GPC6: variants seen among roughly 807,000 people sequenced by gnomAD.
GPC6 encodes the protein glypican 6.
In GPC6, 14 loss-of-function variants were observed where a neutral mutation model predicts 55.2. The observed-to-expected ratio is 0.25, with a 90% CI of 0.17 to 0.40. The LOEUF (loss-of-function observed/expected upper bound fraction) is 0.40. Ranked by LOEUF, GPC6 falls within the 10% of genes least tolerant of loss-of-function variation. GPC6 has a pLI of 1.00. For synonymous variants in GPC6, 278 were observed against 259.6 expected (o/e 1.07, Z -0.68); for missense variants, 641 against 708.5 (o/e 0.90, Z 1.08).
rs755446817 is a variant in GPC6 at position 93,227,488 on chromosome 13, C to T, written c.32C>T (p.Pro11Leu). 6.2e-7 allele frequency: 1 copy of T among 1,613,966 alleles called. No individual in the cohort carries two copies. Among genetic ancestry groups the T allele is most frequent in the Admixed American group, 1.7e-5 (1 of 60,016 alleles). The change falls in exon 1 of 9, where the codon CCC becomes CTC. Residue 11 changes from proline (P) to leucine (L), a missense_variant. Pro to Leu is a moderately conservative substitution (Grantham distance 98, BLOSUM62 -3). Transcript: ENST00000377047. This position sits in a 1 kb window ranked among gnomAD's most constrained non-coding sequence, Gnocchi z 4.3. ...TCTTGGATCGGGGCTGTGATTCTTC[C>T]CCTCTTGGGGCTGCTGCTCTCCCTC... MPSWIGAVIL[P>L]LLGLLLSLPA...
chr13:93,703,705 A>G (rs1411036539), intron 2 of GPC6, among the ~76,000 whole-genome samples: 2 of 152,074 alleles, frequency 1.3e-5, no homozygotes, highest in East Asian at 3.9e-4. Context: ...AAAATGGTAA[A>G]TGCTATAGCA....
chr13:93,706,829 T>C (rs1258391891), intron 2 of GPC6, among the ~76,000 whole-genome samples: 1 of 151,854 alleles, frequency 6.6e-6, no homozygotes, highest in African/African-American at 2.4e-5. Flanking sequence ...GCTTACAGTC[T>C]AGTGGCAGAG....
intron 3 of GPC6, among the ~76,000 whole-genome samples, chr13:93,962,261 A>T (rs535568850): frequency 6.6e-6 from 1 of 151,948 alleles, no homozygotes; most frequent in Non-Finnish European, 1.5e-5. Flanking sequence ...TTCATCTTGA[A>T]TAAGTAATGG....
intron 1 of GPC6, among the ~76,000 whole-genome samples, chr13:93,380,746 T>G (rs931645218): frequency 1.3e-5 from 2 of 152,188 alleles, no homozygotes; most frequent in Non-Finnish European, 1.5e-5. Context: ...TATATGCCTC[T>G]ACTTTTCTTC....
At chr13:94,088,670 CA>C (rs1885375345) in intron 4 of GPC6, among the ~76,000 whole-genome samples, 1 of 152,204 alleles carries the variant, frequency 6.6e-6, no homozygotes, top group African/African-American at 2.4e-5. Flanking sequence ...AGCAGCCAAA[CA>C]AAAACCAGGC....
chr13:93,492,570 TG>T (rs1310015628), intron 1 of GPC6, among the ~76,000 whole-genome samples: 1 of 136,824 alleles, frequency 7.3e-6, no homozygotes, highest in Non-Finnish European at 1.6e-5. Flanking sequence ...TGAATAGGAG[TG>T]GTGAGAGAGG....
intron 1 of GPC6, among the ~76,000 whole-genome samples, chr13:93,380,279 T>A (rs1157753039): frequency 6.6e-6 from 1 of 152,132 alleles, no homozygotes; most frequent in Non-Finnish European, 1.5e-5. Flanking sequence ...GATGGGTACC[T>A]AGATATAAAT....
intron 1 of GPC6, among the ~76,000 whole-genome samples, chr13:93,457,429 A>G (rs1295222904): frequency 3.3e-5 from 5 of 152,154 alleles, no homozygotes. Context: ...TCAACCCTCA[A>G]CAGATAATGT....
chr13:93,257,391 T>C (rs1030911589), intron 1 of GPC6, among the ~76,000 whole-genome samples: 3 of 152,242 alleles, frequency 2.0e-5, no homozygotes, highest in Admixed American at 1.3e-4. Context: ...TAGTCTCTTC[T>C]CTTTTCTCTC....
At chr13:93,687,729 T>C (rs2138775492) in intron 2 of GPC6, among the ~76,000 whole-genome samples, 1 of 152,208 alleles carries the variant, frequency 6.6e-6, no homozygotes, top group South Asian at 2.1e-4. Flanking sequence ...TATTTTTAAA[T>C]AGGCTAGTTT....
intron 1 of GPC6, among the ~76,000 whole-genome samples, chr13:93,423,590 G>A (rs903085104): frequency 2.0e-5 from 3 of 151,742 alleles, no homozygotes; most frequent in South Asian, 4.2e-4. Flanking sequence ...TATTTTTTCC[G>A]CGGTTGCTAA....
intron 3 of GPC6, among the ~76,000 whole-genome samples, chr13:93,838,990 CTGAAAACAA>C (rs1887847420): frequency 1.3e-5 from 2 of 152,088 alleles, no homozygotes; most frequent in South Asian, 2.1e-4. Flanking sequence ...AAAGAGAGTT[CTGAAAACAA>C]AGACAAATGA....
intron 2 of GPC6, among the ~76,000 whole-genome samples, chr13:93,627,181 G>A (rs1427187775): frequency 6.6e-6 from 1 of 151,734 alleles, no homozygotes; most frequent in Non-Finnish European, 1.5e-5. Context: ...AGGCCCTGGT[G>A]TGTGATGTTC....
chr13:94,269,811 A>G (rs1891935819), intron 4 of GPC6, among the ~76,000 whole-genome samples: 1 of 152,112 alleles, frequency 6.6e-6, no homozygotes, highest in Non-Finnish European at 1.5e-5. Flanking sequence ...CTCCTAGTTG[A>G]CCAAACTAGT....
At chr13:93,371,843 G>A (rs777646643) in intron 1 of GPC6, among the ~76,000 whole-genome samples, 38 of 152,042 alleles carry the variant, frequency 2.5e-4, no homozygotes, top group Non-Finnish European at 5.0e-4. Flanking sequence ...CTTAGGAATA[G>A]AGACCTCAGT....
At chr13:93,532,261 T>C (rs1881896688) in intron 1 of GPC6, among the ~76,000 whole-genome samples, 1 of 152,154 alleles carries the variant, frequency 6.6e-6, no homozygotes, top group Non-Finnish European at 1.5e-5. Context: ...TCTCTCAAGA[T>C]CTTTCTATTC....
At chr13:94,369,362 C>T (rs1879427987) in intron 6 of GPC6, among the ~76,000 whole-genome samples, 1 of 152,148 alleles carries the variant, frequency 6.6e-6, no homozygotes, top group African/African-American at 2.4e-5. Context: ...ATAAAGGGTC[C>T]AGGGTAGATG....
intron 6 of GPC6, among the ~76,000 whole-genome samples, chr13:94,319,252 C>G (rs1445946380): frequency 6.6e-6 from 1 of 151,966 alleles, no homozygotes; most frequent in African/African-American, 2.4e-5. Flanking sequence ...AATAATTACC[C>G]TTGAAATTTT....
chr13:93,454,168 T>C (rs61964188), intron 1 of GPC6, among the ~76,000 whole-genome samples: 31,362 of 146,962 alleles, frequency 0.21, 3,285 homozygotes, highest in Middle Eastern at 0.3. Flanking sequence ...AGGGTGCTGA[T>C]TGGTGTGTTT....
Sources: allele counts gnomAD v4.1 joint callset (sites outside exome capture counted in the v4.1 genomes callset), GRCh38; gene constraint gnomAD v4.1.1; non-coding constraint Gnocchi (gnomAD v3.1); transcripts MANE v1.5; gene names NCBI Gene and HGNC (gene_info 2026-07-23, HGNC 2026-07-21).